Variants in MKLN1 observed in about 807,000 individuals in gnomAD.
MKLN1 encodes the protein muskelin.
MKLN1 carries 18 observed loss-of-function variants against 99.0 expected under a neutral mutation model. The observed-to-expected ratio is 0.18, with a 90% confidence interval of 0.13 to 0.27. The LOEUF (loss-of-function observed/expected upper bound fraction) is 0.27. Ranked by LOEUF, MKLN1 falls within the 10% of genes least tolerant of loss-of-function variation. The pLI, the probability that MKLN1 is intolerant of heterozygous loss-of-function variation, is 1.00. For synonymous variants in MKLN1, 288 were observed against 293.2 expected, an observed-to-expected ratio of 0.98 and a Z score of 0.18; for missense variants, 621 against 875.9, an observed-to-expected ratio of 0.71 and a Z score of 3.67.
rs773494665 is a variant in MKLN1, at chr7:131,437,884, A to G, written c.1060A>G (p.Ser354Gly). The change falls in exon 10 of 18, where the codon AGC (serine) becomes GGC (glycine). Residue 354 changes from serine to glycine, a missense_variant. By Grantham distance (56) the Ser-to-Gly change is moderately conservative. Around this residue, in one of 8 missense-constraint regions of MKLN1, gnomAD observed 361 missense variants for 540.8 expected, o/e 0.67. Transcript: ENST00000352689. ...TTACTTGGATTCCTCTGTGAGGAAC[A>G]GCAAATCTCTGAAAAGTGACTTCTA... Reference protein sequence around the residue: ...GRYLDSSVRNSKSLKSDFYRY... With the variant: ...GRYLDSSVRNGKSLKSDFYRY... 4 of 1,613,818 alleles carry G rather than the reference A, an allele frequency of 2.5e-6. No homozygotes were observed. The highest frequency in any genetic ancestry group is 2.5e-6 in the Non-Finnish European group (3 of 1,179,718).
chr7:131,381,885 A>G (rs533369908), intron 2 of MKLN1, among the ~76,000 whole-genome samples: 4 of 152,338 alleles, frequency 2.6e-5, no homozygotes, highest in South Asian at 4.1e-4. Context: ...GTACATGCAT[A>G]CATCTGTATG....
In MKLN1 at chr7:131,327,947, C is replaced by T. The variant is rs767350255; in HGVS notation, c.48C>T (p.Leu16=). 2.5e-6 allele frequency: 4 copies of T among 1,613,806 alleles called. No individual in the cohort carries two copies. Among genetic ancestry groups the T allele is most frequent in the East Asian group, 4.5e-5 (2 of 44,856 alleles). The part of the protein sequence containing the change: ...AVAAAPECRL[L]PYALHKWSSF... Reference sequence around the variant, plus strand: ...CTGCGGCGCCCGAGTGCCGGCTTCTCCCCTACGCGCTACACAAGTGGAGCT... The same window carrying T: ...CTGCGGCGCCCGAGTGCCGGCTTCTTCCCTACGCGCTACACAAGTGGAGCT... The change falls in exon 1 of 18, where the codon CTC becomes CTT. Residue 16 remains leucine (L), a synonymous_variant. Coordinates refer to ENST00000352689, the MANE Select transcript of MKLN1 (RefSeq NM_013255.5).
chr7:131,134,076 T>G (rs868261014), intron 1 of MKLN1, among the ~76,000 whole-genome samples: 5 of 151,024 alleles, frequency 3.3e-5, no homozygotes, highest in African/African-American at 1.2e-4. Context: ...TTGATCCACC[T>G]GCCTCGGCCT....
rs1796855351 is a variant in MKLN1, at chr7:131,208,718, G to A, written c.-179+5744G>A. ...TCAATCATTCAGAAATCTTTGAGGA[G>A]AACCTGCCATGTGCCTTCATCTGGG... On this transcript the variant is annotated intron_variant, in intron 3 of 7. Transcript: ENST00000416992. Among the ~76,000 whole-genome samples the A allele has an allele frequency of 1.3e-5, 2 of 152,160 alleles. 1 individual carries two copies. The highest frequency in any genetic ancestry group is 1.3e-4 in the Admixed American group (2 of 15,272).
chr7:131,294,641 G>C (rs927466935), intron 3 of MKLN1, among the ~76,000 whole-genome samples: 8 of 152,284 alleles, frequency 5.3e-5, no homozygotes, highest in African/African-American at 1.9e-4. Context: ...GGCTGAGGAA[G>C]GGGGCTTCTC....
At chr7:131,135,452 C>T (rs1462632664) in intron 1 of MKLN1, among the ~76,000 whole-genome samples, 1 of 152,092 alleles carries the variant, frequency 6.6e-6, no homozygotes, top group African/African-American at 2.4e-5. Context: ...AGTTTAGGGA[C>T]GCATCAGAGT....
chr7:131,165,608 A>T (rs531305184), intron 2 of MKLN1, among the ~76,000 whole-genome samples: 7 of 152,376 alleles, frequency 4.6e-5, no homozygotes, highest in African/African-American at 1.7e-4. Flanking sequence ...AATTCTGAAT[A>T]AAACAATGGG....
intron 3 of MKLN1, among the ~76,000 whole-genome samples, chr7:131,300,930 T>C (rs1237934480): frequency 6.6e-6 from 1 of 152,204 alleles, no homozygotes; most frequent in Non-Finnish European, 1.5e-5. Flanking sequence ...GGTTTCTTCA[T>C]GCTGGCTTTT....
chr7:131,181,449 T>A (rs1796375740), intron 2 of MKLN1, among the ~76,000 whole-genome samples: 1 of 152,188 alleles, frequency 6.6e-6, no homozygotes, highest in Non-Finnish European at 1.5e-5. Context: ...GACTCACACC[T>A]ATAATCTCAG....
intron 2 of MKLN1, among the ~76,000 whole-genome samples, chr7:131,191,971 C>T (rs1193425382): frequency 5.4e-5 from 8 of 147,860 alleles, no homozygotes; most frequent in Middle Eastern, 3.5e-3. Flanking sequence ...CTGCCTGCCT[C>T]GGCCTCTCAA....
intron 17 of MKLN1, among the ~76,000 whole-genome samples, chr7:131,480,093 G>A (rs1017893454): frequency 6.6e-6 from 1 of 151,236 alleles, no homozygotes; most frequent in Admixed American, 6.6e-5. Context: ...CCTTTACTTG[G>A]GTGAATTTTC....
chr7:131,137,427 C>A (rs1388817295), intron 1 of MKLN1, among the ~76,000 whole-genome samples: 1 of 152,122 alleles, frequency 6.6e-6, no homozygotes, highest in African/African-American at 2.4e-5. Flanking sequence ...GGGGAGTGAT[C>A]CATCCTGTGA....
chr7:131,247,235 C>CTTTTTCTTT (rs1554542027), intron 3 of MKLN1, among the ~76,000 whole-genome samples: 7 of 141,172 alleles, frequency 5.0e-5, no homozygotes, highest in East Asian at 2.1e-4. Context: ...TTTCTTTTTT[C>CTTTTTCTTT]TTTTTTTTTT....
Position 131,388,959 on chromosome 7 carries a change from A to C in MKLN1, c.387A>C (p.Arg129=). The change falls in exon 4 of 18, where the codon CGA becomes CGC. Residue 129 remains arginine (R), a synonymous_variant. Coordinates refer to ENST00000352689, the MANE Select transcript of MKLN1 (RefSeq NM_013255.5). The part of the protein sequence containing the change: ...HKIDEQMFPC[R]FIKIVPLLSW... ...TTGATGAACAGATGTTCCCTTGTCG[A>C]TTCATTAAAATAGGTAAGATTTTAG... 6.3e-7 allele frequency: 1 copy of C among 1,599,548 alleles called. No homozygotes were observed. The highest frequency in any genetic ancestry group is 2.2e-5 in the East Asian group (1 of 44,502).
chr7:131,405,556 C>T (rs1032377899), intron 6 of MKLN1, among the ~76,000 whole-genome samples: 1 of 152,050 alleles, frequency 6.6e-6, no homozygotes, highest in Admixed American at 6.6e-5. Flanking sequence ...CATTAGTTTT[C>T]AGACTTTGAA....
At chr7:131,447,361 T>C (rs1308358346) in intron 12 of MKLN1, among the ~76,000 whole-genome samples, 2 of 151,944 alleles carry the variant, frequency 1.3e-5, no homozygotes, top group Non-Finnish European at 2.9e-5. Context: ...TGATTTAATA[T>C]TTGACTTTCT....
Position 131,446,981 on chromosome 7 carries a change from G to C in MKLN1, c.1525+1078G>C, listed in dbSNP as rs117724814. On this transcript the variant is annotated intron_variant, in intron 12 of 17. Transcript: ENST00000352689. ...ATTTGGAAGAAAAATCTGTTGATGA[G>C]TATAAATAGCATCTAATGTAAAAAA... 4.4e-3 allele frequency among the ~76,000 whole-genome samples: 671 copies of C among 152,234 alleles called. 1 individual carries two copies. Among genetic ancestry groups the C allele is most frequent in the Non-Finnish European group, 7.8e-3 (530 of 68,008 alleles).
intron 4 of MKLN1, among the ~76,000 whole-genome samples, chr7:131,389,598 T>G (rs1794135068): frequency 6.6e-6 from 1 of 150,590 alleles, no homozygotes; most frequent in Non-Finnish European, 1.5e-5. Flanking sequence ...AAGAAAGTAT[T>G]TATAATGCAT....
chr7:131,245,854 T>C (rs1797479733), intron 3 of MKLN1, among the ~76,000 whole-genome samples: 1 of 152,248 alleles, frequency 6.6e-6, no homozygotes, highest in South Asian at 2.1e-4. Flanking sequence ...CGCATGACTA[T>C]AGTTTACTCA....
Sources: gnomAD v4.1 joint callset for allele counts (sites outside exome capture counted in the v4.1 genomes callset) on GRCh38, gnomAD v4.1.1 for gene constraint, gnomAD v4.1.1 regional missense constraint, MANE v1.5 for transcripts, NCBI Gene and HGNC (gene_info 2026-07-23, HGNC 2026-07-21) for gene names.